RSPO1: variants seen among roughly 807,000 people sequenced by gnomAD.
The protein encoded by RSPO1 is R-spondin 1, also known as R-spondin-1.
RSPO1 carries 18 observed loss-of-function variants against 26.0 expected under a neutral mutation model. That is an observed-to-expected ratio of 0.69 (90% CI 0.48 to 1.03). RSPO1 has a LOEUF of 1.03. RSPO1 is among the 50% of genes least tolerant of loss of function. RSPO1 has a pLI of 0.00. For synonymous variants in RSPO1, 133 were observed against 137.4 expected (o/e 0.97, Z 0.22); for missense variants, 309 against 352.3 (o/e 0.88, Z 0.98).
In RSPO1 at chr1:37,614,169, C is replaced by T. The variant is rs761611904; in HGVS notation, c.436+15G>A. ...GGTCCTGGACCCTCTGCCCACAGTGCCTGCCATGGCTTACCAGGACTACTG... is the reference window on the plus strand; with the variant it reads ...GGTCCTGGACCCTCTGCCCACAGTGTCTGCCATGGCTTACCAGGACTACTG... On this transcript the variant is annotated intron_variant, in intron 5 of 6. Transcript: ENST00000356545. 57 of 1,611,504 alleles carry T rather than the reference C, an allele frequency of 3.5e-5. No individual in the cohort carries two copies. Among genetic ancestry groups the T allele is most frequent in the Non-Finnish European group, 4.4e-5 (52 of 1,179,662 alleles).
At chr1:37,616,088 G>C (rs1644106557) in intron 4 of RSPO1, among the ~76,000 whole-genome samples, 1 of 152,204 alleles carries the variant, frequency 6.6e-6, no homozygotes, top group East Asian at 1.9e-4. Context: ...CTGGAGGACA[G>C]ATGAACAGGC....
chr1:37,616,337 G>A, intron 4 of RSPO1, 147 bp downstream of exon 4: 1 of 695,742 alleles, frequency 1.4e-6, no homozygotes, highest in East Asian at 2.7e-5. Flanking sequence ...AGGTGGAAGT[G>A]TGCGGCTGGA....
At chr1:37,616,936 T>A (rs1414882769) in intron 3 of RSPO1, among the ~76,000 whole-genome samples, 1 of 152,226 alleles carries the variant, frequency 6.6e-6, no homozygotes, top group Non-Finnish European at 1.5e-5. Flanking sequence ...CTCTCTAGGC[T>A]GGCTCCACCA....
chr1:37,613,699 C>A lies in RSPO1; in HGVS notation c.625+5G>T. 1.2e-6 allele frequency: 2 copies of A among 1,609,814 alleles called. No homozygotes were observed. The highest frequency in any genetic ancestry group is 1.7e-6 in the Non-Finnish European group (2 of 1,177,154). On this transcript the variant is annotated splice_donor_5th_base_variant and intron_variant, in intron 6 of 6. Coordinates refer to ENST00000356545, the MANE Select transcript of RSPO1 (RefSeq NM_001242908.2). The surrounding 1 kb of genome is among the most constrained non-coding windows in gnomAD (Gnocchi z 4.5). ...GACCCCAGGGAGGCAGAGGCTGCAG[C>A]TCACCCTCAGGACACGGCACTCTCC...
chr1:37,615,129 G>T (rs1457157015), intron 4 of RSPO1, among the ~76,000 whole-genome samples: 1 of 152,120 alleles, frequency 6.6e-6, no homozygotes, highest in Non-Finnish European at 1.5e-5. Context: ...AGGAGCTGGT[G>T]TAGCCAGGAG....
At chr1:37,630,008 G>T in intron 2 of RSPO1, 59 bp from the exon 3 acceptor site, 1 of 777,196 alleles carries the variant, frequency 1.3e-6, no homozygotes, top group Non-Finnish European at 2.2e-6. Flanking sequence ...TCCCACTTAT[G>T]CCTCCTGCCC....
At chr1:37,623,020 G>A (rs1005312557) in intron 3 of RSPO1, among the ~76,000 whole-genome samples, 5 of 152,088 alleles carry the variant, frequency 3.3e-5, no homozygotes, top group Admixed American at 3.3e-4. Context: ...GGAAATGGGA[G>A]CATCAAGACA....
In RSPO1 at chr1:37,613,956, G is replaced by T. The variant is rs1644067984; in HGVS notation, c.437-64C>A. 1 of 1,527,874 alleles carries T rather than the reference G, an allele frequency of 6.5e-7. No homozygotes were observed. The highest frequency in any genetic ancestry group is 1.7e-5 in the Admixed American group (1 of 59,814). The allele number at this position is 1,527,874 out of a possible 1,614,324, so 94.6% of individuals were successfully genotyped here. On this transcript the variant is annotated intron_variant, in intron 5 of 6. Coordinates refer to ENST00000356545, the MANE Select transcript of RSPO1 (RefSeq NM_001242908.2). The surrounding 1 kb of genome is among the most constrained non-coding windows in gnomAD (Gnocchi z 4.5). ...GGAGGGGATCATGTCTCCTCCTCTG[G>T]CCCAGAATAGCCCAGGGGAGCATCT...
At position 37,613,711 on chromosome 1, in the gene RSPO1, A is replaced by C. The variant is rs1644061725; in HGVS notation, c.618T>G (p.Cys206Trp). Residue 206 changes from cysteine to tryptophan, a missense_variant, in exon 6 of 7, where the codon TGT (cysteine) becomes TGG (tryptophan). Cys to Trp is a radical substitution (Grantham distance 215). Transcript: ENST00000356545. The surrounding 1 kb of genome is among the most constrained non-coding windows in gnomAD (Gnocchi z 4.5). ...TRRCTVRRVPCPEGQKRRKGG... is the reference protein window; with the variant it reads ...TRRCTVRRVPWPEGQKRRKGG... ...GCAGAGGCTGCAGCTCACCCTCAGG[A>C]CACGGCACTCTCCTCACTGTGCACC... The C allele has an allele frequency of 9.9e-6, 16 of 1,613,020 alleles. No homozygotes were observed. Among genetic ancestry groups the C allele is most frequent in the Non-Finnish European group, 1.3e-5 (15 of 1,179,752 alleles).
chr1:37,623,757 C>T (rs1279880128), intron 3 of RSPO1, among the ~76,000 whole-genome samples: 2 of 149,820 alleles, frequency 1.3e-5, no homozygotes, highest in East Asian at 1.9e-4. Flanking sequence ...ATTCTCTCTC[C>T]CTCTCTTTTT....
intron 4 of RSPO1, among the ~76,000 whole-genome samples, chr1:37,615,767 A>G (rs909943173): frequency 6.6e-6 from 1 of 152,180 alleles, no homozygotes; most frequent in Non-Finnish European, 1.5e-5. Flanking sequence ...TGTGCCTTGG[A>G]GCATGTGGAG....
intron 4 of RSPO1, among the ~76,000 whole-genome samples, chr1:37,615,784 C>G (rs1644101957): frequency 6.6e-6 from 1 of 152,170 alleles, no homozygotes; most frequent in Non-Finnish European, 1.5e-5. Context: ...GGAGCTGTAG[C>G]TGTTGTGGAA....
chr1:37,624,077 T>C (rs1286508425), intron 3 of RSPO1, among the ~76,000 whole-genome samples: 2 of 152,108 alleles, frequency 1.3e-5, no homozygotes, highest in East Asian at 3.9e-4. Context: ...ATATATTCTC[T>C]TGGTGAAGAA....
rs117174295 is a variant in RSPO1 at position 37,614,153 on chromosome 1, C to T, written c.436+31G>A. 1.7e-3 allele frequency: 2,736 copies of T among 1,610,118 alleles called. 34 individuals are homozygous for T. In the East Asian group the frequency reaches 0.024, roughly 14 times the overall value. On this transcript the variant is annotated intron_variant, in intron 5 of 6. Transcript: ENST00000356545. The stretch of plus-strand genomic sequence containing the variant: ...CGGCCCCTCCTTCTGGGGTCCTGGA[C>T]CCTCTGCCCACAGTGCCTGCCATGG...
intron 3 of RSPO1, among the ~76,000 whole-genome samples, chr1:37,627,408 T>C (rs1644294087): frequency 6.6e-6 from 1 of 152,086 alleles, no homozygotes; most frequent in Admixed American, 6.6e-5. Flanking sequence ...TAAAAATATA[T>C]ATCTATTGAG....
At chr1:37,620,629 A>AAATAATAATAATAATAAT (rs56294873) in intron 3 of RSPO1, among the ~76,000 whole-genome samples, 59 of 146,084 alleles carry the variant, frequency 4.0e-4, no homozygotes, top group African/African-American at 1.3e-3. Flanking sequence ...CTCTGTCTCA[A>AAATAATAATAATAATAAT]AATAATAATA....
chr1:37,612,506 G>GTGTGTGTGTGTGTGTGTGTA lies in RSPO1; in HGVS notation c.*248_*249insTACACACACACACACACACA, dbSNP rs1381440051. ...TGTCTTCTGGTGGCCTCAGGTGTGTGTGTGTGTGTGTGTGTATGTGTGTGT... is the reference window on the plus strand; with the variant it reads ...TGTCTTCTGGTGGCCTCAGGTGTGTGTGTGTGTGTGTGTGTGTGTATGTGTGTGTGTGTGTATGTGTGTGT... On this transcript the variant is annotated 3_prime_UTR_variant, in exon 7 of 7. Transcript: ENST00000356545. The GTGTGTGTGTGTGTGTGTGTA allele has an allele frequency of 1.5e-5, 9 of 581,668 alleles. No individual in the cohort carries two copies. The highest frequency in any genetic ancestry group is 2.8e-5 in the Non-Finnish European group (9 of 322,648). 36.0% of individuals were successfully genotyped at this position (581,668 alleles called of 1,614,324 possible). A position where few individuals can be genotyped will look rare whatever the true frequency, so the allele number is the denominator to read the frequency against.
Position 37,627,812 on chromosome 1 carries a change from C to A in RSPO1, c.94+1756G>T, listed in dbSNP as rs147482914. ...TAACAAGTATTGACAAACAGCACAA[C>A]CTTCATCCCTCCCTGCACCCCTGAG... On this transcript the variant is annotated intron_variant, in intron 3 of 6. Coordinates refer to ENST00000356545, the MANE Select transcript of RSPO1 (RefSeq NM_001242908.2). Among the ~76,000 whole-genome samples the A allele has an allele frequency of 4.9e-3, 748 of 152,314 alleles. 8 individuals are homozygous for A. Among genetic ancestry groups the A allele is most frequent in the African/African-American group, 0.017 (719 of 41,568 alleles).
At position 37,628,257 on chromosome 1, in the gene RSPO1, A is replaced by G. The variant is rs1644307756; in HGVS notation, c.94+1311T>C. Among the ~76,000 whole-genome samples, 6 of 152,232 alleles carry G rather than the reference A, an allele frequency of 3.9e-5. No homozygotes were observed. In the South Asian group the frequency reaches 1.2e-3, roughly 31 times the overall value. On this transcript the variant is annotated intron_variant, in intron 3 of 6. Transcript: ENST00000356545. ...TAAACCGCTAAACCGCATCTGGCCC[A>G]TGGAGTCCAAAATACTGGCCACAAC...
Sources: gnomAD v4.1 joint callset for allele counts (sites outside exome capture counted in the v4.1 genomes callset) on GRCh38, gnomAD v4.1.1 for gene constraint, Gnocchi (gnomAD v3.1) non-coding constraint, MANE v1.5 for transcripts, NCBI Gene and HGNC (gene_info 2026-07-23, HGNC 2026-07-21) for gene names.